Variants in SORCS2 observed in about 807,000 individuals in gnomAD.
SORCS2 encodes the protein sortilin related VPS10 domain containing receptor 2.
A neutral mutation model predicts 141.6 loss-of-function variants in SORCS2; 100 were observed. The observed-to-expected ratio is 0.71, with a 90% CI of 0.60 to 0.83. The LOEUF (loss-of-function observed/expected upper bound fraction) is 0.83. Among genes scored for constraint, SORCS2 ranks in the 40% least tolerant of loss-of-function variants. The pLI is 0.00. For synonymous variants in SORCS2, 789 were observed against 676.9 expected (o/e 1.17, Z -2.57); for missense variants, 1,646 against 1,560.2 (o/e 1.05, Z -0.93).
intron 3 of SORCS2, among the ~76,000 whole-genome samples, chr4:7,637,195 CTTT>C (rs1720313194): frequency 6.6e-6 from 1 of 152,164 alleles, no homozygotes; most frequent in South Asian, 2.1e-4. Context: ...GTTGACGAAT[CTTT>C]TTGGGGTCAC....
At chr4:7,725,846 C>T (rs1040827052) in intron 20 of SORCS2, among the ~76,000 whole-genome samples, 1 of 152,238 alleles carries the variant, frequency 6.6e-6, no homozygotes, top group Admixed American at 6.5e-5. Context: ...AGGCAGGAAG[C>T]CCCCTACCAG....
At chr4:7,337,948 C>A (rs922655322) in intron 1 of SORCS2, among the ~76,000 whole-genome samples, 1 of 152,228 alleles carries the variant, frequency 6.6e-6, no homozygotes, top group Non-Finnish European at 1.5e-5. Context: ...CCTCTGCGGA[C>A]CTGCTGCCCT....
chr4:7,536,650 G>C (rs1040928230), intron 3 of SORCS2, among the ~76,000 whole-genome samples: 6 of 152,212 alleles, frequency 3.9e-5, no homozygotes, highest in African/African-American at 4.8e-5. Context: ...AGAAGGATGT[G>C]ATGGGCTGGG....
intron 3 of SORCS2, among the ~76,000 whole-genome samples, chr4:7,623,202 G>A (rs116279655): frequency 6.6e-6 from 1 of 152,244 alleles, no homozygotes; most frequent in Non-Finnish European, 1.5e-5. Context: ...GACACTCAGA[G>A]ACACTGATGC....
chr4:7,308,692 CT>C (rs1717992378), intron 1 of SORCS2, among the ~76,000 whole-genome samples: 1 of 152,172 alleles, frequency 6.6e-6, no homozygotes, highest in Non-Finnish European at 1.5e-5. Context: ...TTCACTCCCC[CT>C]CTTCCCACCA....
chr4:7,657,208 C>G (rs1014932362), intron 5 of SORCS2, among the ~76,000 whole-genome samples: 11 of 152,192 alleles, frequency 7.2e-5, no homozygotes, highest in African/African-American at 2.7e-4. Flanking sequence ...GAGCAAGAGA[C>G]TAAAGGAACA....
At position 7,389,358 on chromosome 4, in the gene SORCS2, G is replaced by C. The variant is rs901762021; in HGVS notation, c.481-6930G>C. Among the ~76,000 whole-genome samples the C allele has an allele frequency of 2.0e-5, 3 of 152,070 alleles. No homozygotes were observed. The East Asian group carries it at 5.8e-4, about 29-fold the overall frequency. On this transcript the variant is annotated intron_variant, in intron 1 of 26. Coordinates refer to ENST00000507866, the MANE Select transcript of SORCS2 (RefSeq NM_020777.3). ...AGGGTCTGAGTTGGGCCTGAGTGAC[G>C]TGACCCGTACCAGCGAGGCATGTCT...
intron 2 of SORCS2, chr4:7,435,069 C>A (rs1577559216): frequency 3.2e-6 from 2 of 622,484 alleles, no homozygotes; most frequent in Non-Finnish European, 2.7e-6. Flanking sequence ...GCCTGGAACA[C>A]TATCCCTCCC....
At chr4:7,240,628 T>C (rs1001932479) in intron 1 of SORCS2, among the ~76,000 whole-genome samples, 3 of 152,224 alleles carry the variant, frequency 2.0e-5, no homozygotes, top group African/African-American at 4.8e-5. Context: ...TTTTCTGGGC[T>C]GGGCTGTGTC....
intron 1 of SORCS2, among the ~76,000 whole-genome samples, chr4:7,223,704 A>G (rs1577294721): frequency 6.6e-6 from 1 of 152,024 alleles, no homozygotes; most frequent in South Asian, 2.1e-4. Flanking sequence ...CTCTCAGTGC[A>G]GGTGCCTCAG....
intron 14 of SORCS2, among the ~76,000 whole-genome samples, chr4:7,710,294 G>A (rs1024546716): frequency 7.2e-5 from 11 of 152,172 alleles, no homozygotes; most frequent in African/African-American, 2.4e-4. Context: ...GTGCTGCCCT[G>A]GCCGGGTCCC....
chr4:7,635,367 T>G (rs1054558688), intron 3 of SORCS2, among the ~76,000 whole-genome samples: 3 of 152,182 alleles, frequency 2.0e-5, no homozygotes, highest in African/African-American at 7.2e-5. Flanking sequence ...TCTCTGCAAC[T>G]TTTCTGTAAA....
intron 1 of SORCS2, among the ~76,000 whole-genome samples, chr4:7,195,543 A>G (rs1036583203): frequency 3.3e-5 from 5 of 152,228 alleles, no homozygotes; most frequent in African/African-American, 9.6e-5. Context: ...CTCAGGGAGC[A>G]GGCGAGGCTG....
chr4:7,697,412 A>G (rs1724782539), intron 12 of SORCS2, 138 bp downstream of exon 12: 2 of 772,362 alleles, frequency 2.6e-6, no homozygotes, highest in South Asian at 3.7e-5. Context: ...TCTTGCAGCC[A>G]AAGTGGCTGG....
chr4:7,737,632 T>C (rs1175497078), intron 26 of SORCS2, among the ~76,000 whole-genome samples: 1 of 152,154 alleles, frequency 6.6e-6, no homozygotes, highest in Non-Finnish European at 1.5e-5. Context: ...ACTTTACAGT[T>C]TATGAAGCAT....
intron 1 of SORCS2, among the ~76,000 whole-genome samples, chr4:7,364,736 G>A (rs1721780568): frequency 6.6e-6 from 1 of 152,196 alleles, no homozygotes; most frequent in Non-Finnish European, 1.5e-5. Flanking sequence ...GTCACATGAA[G>A]TCCAAAGCTA....
In SORCS2 at chr4:7,684,008, G is replaced by A. The variant is rs563582716; in HGVS notation, c.1488+1119G>A. Among the ~76,000 whole-genome samples, 11 of 152,258 alleles carry A rather than the reference G, an allele frequency of 7.2e-5. No individual in the cohort carries two copies. The South Asian group carries it at 2.3e-3, about 32-fold the overall frequency. Reference sequence around the variant, plus strand: ...GGGACCAGTGGATGCAAGGGAGGAAGAGGCGAAATGGGCCAAGAGAATCTG... The same window carrying A: ...GGGACCAGTGGATGCAAGGGAGGAAAAGGCGAAATGGGCCAAGAGAATCTG... On this transcript the variant is annotated intron_variant, in intron 10 of 26. Coordinates refer to ENST00000507866, the MANE Select transcript of SORCS2 (RefSeq NM_020777.3).
intron 2 of SORCS2, chr4:7,433,959 C>T (rs769266108): frequency 6.2e-6 from 10 of 1,613,818 alleles, no homozygotes; most frequent in Middle Eastern, 1.6e-4. Flanking sequence ...TGGACATGAG[C>T]CAGTGGTCCA....
In SORCS2 at chr4:7,656,140, C is replaced by T. The variant is rs576311939; in HGVS notation, c.887+1933C>T. Among the ~76,000 whole-genome samples the T allele has an allele frequency of 1.2e-3, 187 of 152,332 alleles. 1 individual carries two copies. Among genetic ancestry groups the T allele is most frequent in the African/African-American group, 3.8e-3 (157 of 41,576 alleles). ...GAGCTCTTTGTCCTTGAACTGACAG[C>T]GGGAATTGCCAAAGCCCCGTGTTCT... On this transcript the variant is annotated intron_variant, in intron 5 of 26. Coordinates refer to ENST00000507866, the MANE Select transcript of SORCS2 (RefSeq NM_020777.3).
Sources: gnomAD v4.1 joint callset for allele counts (sites outside exome capture counted in the v4.1 genomes callset) on GRCh38, gnomAD v4.1.1 for gene constraint, MANE v1.5 for transcripts, NCBI Gene and HGNC (gene_info 2026-07-23, HGNC 2026-07-21) for gene names.